The following RCL1 variants were observed in gnomAD, a reference collection of about 807,000 sequenced individuals.
The protein encoded by RCL1 is RNA terminal phosphate cyclase like 1, also known as RNA 3'-terminal phosphate cyclase-like protein.
A neutral mutation model predicts 42.4 loss-of-function variants in RCL1; 24 were observed. The observed-to-expected ratio is 0.57, with a 90% CI of 0.41 to 0.80. RCL1 has a LOEUF of 0.80. RCL1 is among the 30% of genes least tolerant of loss of function. The pLI, the probability that RCL1 is intolerant of heterozygous loss-of-function variation, is 0.00. For missense variants in RCL1, 578 were observed against 467.9 expected, an observed-to-expected ratio of 1.24 and a Z score of -2.17; for synonymous variants, 228 against 177.3, an observed-to-expected ratio of 1.29 and a Z score of -2.27.
chr9:4,848,112 T>G (rs1359373966), intron 7 of RCL1, among the ~76,000 whole-genome samples: 1 of 152,232 alleles, frequency 6.6e-6, no homozygotes, highest in Non-Finnish European at 1.5e-5. Flanking sequence ...AAGAGAACAC[T>G]TTAATTTTAG....
chr9:4,859,464 T>G (rs529331497), intron 8 of RCL1, among the ~76,000 whole-genome samples: 3 of 152,196 alleles, frequency 2.0e-5, no homozygotes, highest in Non-Finnish European at 2.9e-5. Context: ...TTATTTTTTT[T>G]CATTTGAGTG....
chr9:4,819,245 G>A (rs574847118), intron 1 of RCL1, among the ~76,000 whole-genome samples: 1 of 152,320 alleles, frequency 6.6e-6, no homozygotes, highest in South Asian at 2.1e-4. Flanking sequence ...CACGGAGCCA[G>A]CAGCCTCGAT....
At chr9:4,857,869 G>A (rs1818015629) in intron 8 of RCL1, among the ~76,000 whole-genome samples, 1 of 147,154 alleles carries the variant, frequency 6.8e-6, no homozygotes, top group African/African-American at 2.5e-5. Context: ...AACCAGTGAT[G>A]TTGAGCATCT....
At chr9:4,816,877 C>G (rs765876519) in intron 1 of RCL1, among the ~76,000 whole-genome samples, 7 of 152,098 alleles carry the variant, frequency 4.6e-5, no homozygotes, top group African/African-American at 1.4e-4. Context: ...AGTGCAGTGG[C>G]GCGATCTCGG....
chr9:4,834,290 T>G, intron 5 of RCL1, 25 bp downstream of exon 5: 1 of 1,592,332 alleles, frequency 6.3e-7, no homozygotes. Flanking sequence ...TATTTGGATT[T>G]CTTTTTTTTT....
chr9:4,805,750 C>G (rs550906984), intron 1 of RCL1, among the ~76,000 whole-genome samples: 6 of 152,164 alleles, frequency 3.9e-5, no homozygotes, highest in South Asian at 4.1e-4. Context: ...GAGCATTTGA[C>G]CATTCTTGGT....
chr9:4,848,650 G>A (rs949497456), intron 7 of RCL1, among the ~76,000 whole-genome samples: 7 of 152,160 alleles, frequency 4.6e-5, no homozygotes, highest in East Asian at 1.9e-4. Context: ...ATCAGAAAGC[G>A]TGTTTGTATG....
chr9:4,823,620 G>A lies in RCL1; in HGVS notation c.208+1G>A. 2 of 1,604,992 alleles carry A rather than the reference G, an allele frequency of 1.2e-6. No homozygotes were observed. Among genetic ancestry groups the A allele is most frequent in the East Asian group, 2.3e-5 (1 of 44,222 alleles). On this transcript the variant is annotated splice_donor_variant, in intron 2 of 8. Transcript: ENST00000381750. LOFTEE classifies it high-confidence loss of function. The stretch of plus-strand genomic sequence containing the variant: ...TCTCGAATTGAAATAAACCAAACAG[G>A]TAAGCTCCTTTTAGATTCCTAAAAG...
At chr9:4,853,622 A>C (rs1817833820) in intron 8 of RCL1, among the ~76,000 whole-genome samples, 2 of 151,858 alleles carry the variant, frequency 1.3e-5, no homozygotes, top group African/African-American at 2.4e-5. Context: ...TGCCCGGCCA[A>C]CCCATTGTGC....
At chr9:4,841,133 G>C in intron 5 of RCL1, 99 bp from the exon 6 acceptor site, 1 of 1,301,518 alleles carries the variant, frequency 7.7e-7, no homozygotes. Flanking sequence ...GGAAGTCCCA[G>C]TTTGTTACTA....
chr9:4,838,655 A>C (rs764626422), intron 5 of RCL1, among the ~76,000 whole-genome samples: 1 of 152,176 alleles, frequency 6.6e-6, no homozygotes, highest in Non-Finnish European at 1.5e-5. Flanking sequence ...TGGGAGTCCC[A>C]TATGGACTGT....
intron 2 of RCL1, among the ~76,000 whole-genome samples, chr9:4,824,798 C>T: frequency 6.6e-6 from 1 of 152,226 alleles, no homozygotes; most frequent in East Asian, 1.9e-4. Flanking sequence ...GAGATACTCA[C>T]ATGTCTTTTG....
intron 8 of RCL1, chr9:4,850,482 C>CTTTTTTTTTTT (rs112829690): frequency 8.8e-6 from 1 of 114,164 alleles, no homozygotes; most frequent in Admixed American, 9.5e-5. Flanking sequence ...CTTATGGAGG[C>CTTTTTTTTTTT]TTTTTTTTTT....
Position 4,832,030 on chromosome 9 carries a change from G to T in RCL1, c.385-1124G>T, listed in dbSNP as rs539192869. Among the ~76,000 whole-genome samples, 283 of 152,324 alleles carry T rather than the reference G, an allele frequency of 1.9e-3. 1 individual carries two copies. Among genetic ancestry groups the T allele is most frequent in the Non-Finnish European group, 3.3e-3 (227 of 68,030 alleles). On this transcript the variant is annotated intron_variant, in intron 3 of 8. Coordinates refer to ENST00000381750, the MANE Select transcript of RCL1 (RefSeq NM_005772.5). ...CCTCCCTGCCAGCTGACAGATCCAA[G>T]AAGGGAACAAGTAATGGAGTAATTT... is the stretch of plus-strand genomic sequence containing the variant.
chr9:4,821,334 C>G (rs1007584190), intron 1 of RCL1, among the ~76,000 whole-genome samples: 2 of 152,098 alleles, frequency 1.3e-5, no homozygotes, highest in African/African-American at 2.4e-5. Flanking sequence ...ACTTTCTGGT[C>G]ATATGATCAG....
chr9:4,797,654 A>G (rs765697512), intron 1 of RCL1, among the ~76,000 whole-genome samples: 9 of 152,248 alleles, frequency 5.9e-5, no homozygotes, highest in Non-Finnish European at 8.8e-5. Flanking sequence ...GTGCTGATGT[A>G]GAAAAACCCT....
intron 1 of RCL1, among the ~76,000 whole-genome samples, chr9:4,818,364 G>A (rs1027328191): frequency 6.6e-6 from 1 of 151,494 alleles, no homozygotes; most frequent in African/African-American, 2.4e-5. Flanking sequence ...AAAGATATTT[G>A]GTTCTTTACA....
At chr9:4,842,047 C>G (rs987549994) in intron 6 of RCL1, among the ~76,000 whole-genome samples, 1 of 152,176 alleles carries the variant, frequency 6.6e-6, no homozygotes, top group Non-Finnish European at 1.5e-5. Context: ...ACAGTGAACA[C>G]GGAGATATAC....
intron 1 of RCL1, among the ~76,000 whole-genome samples, chr9:4,806,292 G>C (rs1339554594): frequency 6.6e-6 from 1 of 151,878 alleles, no homozygotes. Context: ...TGGGTGGGAG[G>C]GAACATCCTT....
Sources: allele counts gnomAD v4.1 joint callset (sites outside exome capture counted in the v4.1 genomes callset), GRCh38; gene constraint gnomAD v4.1.1; transcripts MANE v1.5; gene names NCBI Gene and HGNC (gene_info 2026-07-23, HGNC 2026-07-21).